The following GALNT9 variants were observed in gnomAD, a reference collection of about 807,000 sequenced individuals.
GALNT9 encodes polypeptide N-acetylgalactosaminyltransferase 9, also known as GalNAc transferase 9.
Under a neutral mutation model 63.1 loss-of-function variants are expected in GALNT9, and 47 were observed. That is an observed-to-expected ratio of 0.75 (90% confidence interval 0.59 to 0.95). GALNT9 has a LOEUF of 0.95. Among genes scored for constraint, GALNT9 ranks in the 40% least tolerant of loss-of-function variants. GALNT9 has a pLI of 0.00. For synonymous variants in GALNT9, 396 were observed against 365.7 expected (o/e 1.08, Z -0.94); for missense variants, 829 against 874.8 (o/e 0.95, Z 0.66).
At chr12:132,227,076 G>A (rs1004300501) in intron 6 of GALNT9, among the ~76,000 whole-genome samples, 4 of 152,028 alleles carry the variant, frequency 2.6e-5, no homozygotes, top group African/African-American at 9.7e-5. Context: ...TCTTTGGGAG[G>A]AGGGAGGTGA....
At chr12:132,298,186 C>T (rs1156751235) in intron 1 of GALNT9, among the ~76,000 whole-genome samples, 3 of 152,006 alleles carry the variant, frequency 2.0e-5, no homozygotes, top group Non-Finnish European at 1.5e-5. Context: ...TGATAACTAA[C>T]TCGTTCCCAA....
chr12:132,243,297 C>G (rs2136904147), intron 6 of GALNT9, among the ~76,000 whole-genome samples: 470 of 113,108 alleles, frequency 4.2e-3, no homozygotes, highest in South Asian at 0.011. Context: ...TCCCGGGGCC[C>G]TCCCTATACC....
intron 6 of GALNT9, among the ~76,000 whole-genome samples, chr12:132,229,065 G>C (rs1249447879): frequency 6.6e-6 from 1 of 152,208 alleles, no homozygotes; most frequent in African/African-American, 2.4e-5. Context: ...ACACACCTGT[G>C]CCAGTGCATG....
chr12:132,240,368 C>T (rs2136898163), intron 6 of GALNT9: 1 of 351,300 alleles, frequency 2.8e-6, no homozygotes, highest in Admixed American at 3.8e-5. Context: ...ACTGTACACC[C>T]CATGCTGGCC....
chr12:132,271,935 G>C (rs886944309), intron 2 of GALNT9, among the ~76,000 whole-genome samples: 5 of 152,294 alleles, frequency 3.3e-5, no homozygotes, highest in Non-Finnish European at 7.4e-5. Context: ...GCGGCCACAC[G>C]TGAACTGTGT....
chr12:132,321,795 C>T (rs950924033), intron 1 of GALNT9, among the ~76,000 whole-genome samples: 1 of 151,946 alleles, frequency 6.6e-6, no homozygotes, highest in Non-Finnish European at 1.5e-5. Context: ...CCTCACACAC[C>T]TGTCCCCTCA....
At chr12:132,301,760 C>T (rs73475830) in intron 1 of GALNT9, among the ~76,000 whole-genome samples, 4,205 of 152,366 alleles carry the variant, frequency 0.028, 193 homozygotes, top group African/African-American at 0.096. Context: ...CTTCATGACC[C>T]TGGACAGGGC....
At chr12:132,253,583 T>C (rs868960698) in intron 5 of GALNT9, among the ~76,000 whole-genome samples, 7 of 152,232 alleles carry the variant, frequency 4.6e-5, no homozygotes, top group Non-Finnish European at 4.4e-5. Flanking sequence ...ATGTTTATAA[T>C]AATGATTGAT....
chr12:132,314,078 C>T (rs1555245528), intron 1 of GALNT9, among the ~76,000 whole-genome samples: 1 of 101,930 alleles, frequency 9.8e-6, no homozygotes, highest in African/African-American at 3.5e-5. Flanking sequence ...CCCACCCACC[C>T]ATACATCCAT....
chr12:132,252,803 A>G lies in GALNT9; in HGVS notation c.960-4776T>C, dbSNP rs1831033776. Among the ~76,000 whole-genome samples the G allele has an allele frequency of 6.6e-6, 1 of 152,174 alleles. No homozygotes were observed. The highest frequency in any genetic ancestry group is 2.4e-5 in the African/African-American group (1 of 41,526). Reference sequence around the variant, plus strand: ...GAGGCTGAGGCAGGAGAATCGCTTGAACCTGGGAGGCGGAGGTTGTGGTGA... The same window carrying G: ...GAGGCTGAGGCAGGAGAATCGCTTGGACCTGGGAGGCGGAGGTTGTGGTGA... On this transcript the variant is annotated intron_variant, in intron 5 of 10. Coordinates refer to ENST00000328957, the MANE Select transcript of GALNT9 (RefSeq NM_001122636.2). This position sits in a 1 kb window ranked among gnomAD's most constrained non-coding sequence, Gnocchi z 5.2.
Position 132,286,561 on chromosome 12 carries a change from T to C in GALNT9, c.239-131A>G. ...ACAAGCCCAGCAAACTCCCTGCAGA[T>C]GGCAGGCTGCCAGCTCAGGACATTC... On this transcript the variant is annotated intron_variant, in intron 1 of 10. Coordinates refer to ENST00000328957, the MANE Select transcript of GALNT9 (RefSeq NM_001122636.2). The surrounding 1 kb of genome is among the most constrained non-coding windows in gnomAD (Gnocchi z 7.4). 7.4e-7 allele frequency: 1 copy of C among 1,358,596 alleles called. No homozygotes were observed. Among genetic ancestry groups the C allele is most frequent in the Admixed American group, 2.8e-5 (1 of 35,286 alleles). 84.2% of individuals were successfully genotyped at this position (1,358,596 alleles called of 1,614,324 possible). A position where few individuals can be genotyped will look rare whatever the true frequency, so the allele number is the denominator to read the frequency against.
At chr12:132,214,053 C>T (rs1347780220) in intron 6 of GALNT9, among the ~76,000 whole-genome samples, 1 of 152,216 alleles carries the variant, frequency 6.6e-6, no homozygotes, top group African/African-American at 2.4e-5. Context: ...GTCTGGGCCC[C>T]TCAGTCCTCC....
rs781639649 is a variant in GALNT9 at position 132,203,493 on chromosome 12, T to TG, written c.1263+11dup. On this transcript the variant is annotated intron_variant, in intron 7 of 10. Transcript: ENST00000328957. ...GGGCATGGCCCCGGCTCCCGGCCTG[T>TG]GGGGGACTCACCGACATGGGGATGT... 3 of 1,612,938 alleles carry TG rather than the reference T, an allele frequency of 1.9e-6. No homozygotes were observed. Among genetic ancestry groups the TG allele is most frequent in the South Asian group, 1.1e-5 (1 of 91,048 alleles).
intron 1 of GALNT9, among the ~76,000 whole-genome samples, chr12:132,317,442 C>T (rs1197457078): frequency 6.6e-6 from 1 of 152,240 alleles, no homozygotes; most frequent in African/African-American, 2.4e-5. Flanking sequence ...TCCGTCCACA[C>T]TGGCTCCCTA....
chr12:132,264,372 C>A (rs149171279), intron 2 of GALNT9, among the ~76,000 whole-genome samples: 3 of 152,230 alleles, frequency 2.0e-5, no homozygotes, highest in Non-Finnish European at 4.4e-5. Flanking sequence ...GAAGCCGAGC[C>A]GGGATGGCCT....
chr12:132,217,804 G>A (rs1024261817), intron 6 of GALNT9, among the ~76,000 whole-genome samples: 13 of 131,660 alleles, frequency 9.9e-5, no homozygotes, highest in South Asian at 2.6e-4. Flanking sequence ...CCATCCATCC[G>A]TCCATTCACC....
chr12:132,298,834 C>A (rs994905743), intron 1 of GALNT9, among the ~76,000 whole-genome samples: 4 of 148,052 alleles, frequency 2.7e-5, no homozygotes, highest in Non-Finnish European at 3.0e-5. Context: ...CCATAACTAA[C>A]CCACTCTCAC....
At chr12:132,230,115 C>G (rs942537416) in intron 6 of GALNT9, among the ~76,000 whole-genome samples, 3 of 152,154 alleles carry the variant, frequency 2.0e-5, no homozygotes, top group African/African-American at 7.2e-5. Flanking sequence ...TAATTCCAGC[C>G]TGGGCCACCA....
chr12:132,286,604 T>TGC lies in GALNT9; in HGVS notation c.239-176_239-175dup. On this transcript the variant is annotated intron_variant, in intron 1 of 10. Transcript: ENST00000328957. The surrounding 1 kb of genome is among the most constrained non-coding windows in gnomAD (Gnocchi z 7.4). ...GGACATTCCAGAAAGTGCAAGGCTG[T>TGC]GCGCGGAGTGAGAGGGCGGTGCCAG... 4 of 1,147,520 alleles carry TGC rather than the reference T, an allele frequency of 3.5e-6. No individual in the cohort carries two copies. Among genetic ancestry groups the TGC allele is most frequent in the Non-Finnish European group, 4.7e-6 (4 of 842,964 alleles). 71.1% of individuals were successfully genotyped at this position (1,147,520 alleles called of 1,614,324 possible).
Sources: gnomAD v4.1 joint callset for allele counts (sites outside exome capture counted in the v4.1 genomes callset) on GRCh38, gnomAD v4.1.1 for gene constraint, Gnocchi (gnomAD v3.1) non-coding constraint, MANE v1.5 for transcripts, NCBI Gene and HGNC (gene_info 2026-07-23, HGNC 2026-07-21) for gene names.